The following SLC25A36 variants were observed in gnomAD, a reference collection of about 807,000 sequenced individuals.
SLC25A36 encodes the protein solute carrier family 25 member 36, also known as epididymis secretory sperm binding protein.
A neutral mutation model predicts 35.3 loss-of-function variants in SLC25A36; 24 were observed. The observed-to-expected ratio is 0.68, with a 90% CI of 0.49 to 0.96. SLC25A36 has a LOEUF of 0.96. SLC25A36 is among the 40% of genes least tolerant of loss of function. SLC25A36 has a pLI of 0.00. For missense variants in SLC25A36, 294 were observed against 381.1 expected (o/e 0.77, Z 1.90); for synonymous variants, 141 against 132.2 (o/e 1.07, Z -0.46).
chr3:140,974,073 ATT>A, intron 6 of SLC25A36, 68 bp downstream of exon 6: 3 of 1,107,740 alleles, frequency 2.7e-6, no homozygotes, highest in Non-Finnish European at 2.6e-6. Flanking sequence ...TTATTAAAGC[ATT>A]TATAATTTTA....
At chr3:140,961,087 A>C (rs1326190967) in intron 3 of SLC25A36, among the ~76,000 whole-genome samples, 1 of 152,246 alleles carries the variant, frequency 6.6e-6, no homozygotes, top group Non-Finnish European at 1.5e-5. Context: ...ACCATGTACC[A>C]GATCCATGTC....
intron 1 of SLC25A36, chr3:140,942,380 T>G: frequency 3.3e-6 from 1 of 303,570 alleles, no homozygotes; most frequent in South Asian, 1.0e-4. Context: ...GGGAGTGAGG[T>G]TTTGGGCCCG....
intron 2 of SLC25A36, 23 bp from the exon 3 acceptor site, chr3:140,959,440 A>T: frequency 7.5e-7 from 1 of 1,333,272 alleles, no homozygotes; most frequent in Non-Finnish European, 1.0e-6. Flanking sequence ...TATTTCTGAT[A>T]GAATTTTTTT....
intron 4 of SLC25A36, chr3:140,966,037 A>G (rs1934749401): frequency 6.6e-6 from 1 of 151,968 alleles, no homozygotes; most frequent in Non-Finnish European, 1.5e-5. Flanking sequence ...TTTTAATTGG[A>G]TTATGTATTC....
At chr3:140,955,960 G>T (rs189124245) in intron 1 of SLC25A36, among the ~76,000 whole-genome samples, 233 of 152,272 alleles carry the variant, frequency 1.5e-3, no homozygotes, top group Non-Finnish European at 2.6e-3. Context: ...AAAGCTCTGG[G>T]ATTACATGTG....
intron 5 of SLC25A36, among the ~76,000 whole-genome samples, chr3:140,972,497 T>C (rs1934930393): frequency 6.6e-6 from 1 of 151,254 alleles, no homozygotes; most frequent in African/African-American, 2.4e-5. Context: ...TTAATCTCTA[T>C]AAAAAATGCA....
intron 4 of SLC25A36, chr3:140,966,532 A>G (rs560197189): frequency 1.1e-3 from 190 of 167,730 alleles, no homozygotes; most frequent in African/African-American, 4.3e-3. Flanking sequence ...TTTTTTTTTT[A>G]AGATTTATTA....
Position 140,973,761 on chromosome 3 carries a change from A to C in SLC25A36, c.498A>C (p.Lys166Asn), listed in dbSNP as rs137966131. ...RRMGAFECVRKVYQTDGLKGF... is the reference protein window; with the variant it reads ...RRMGAFECVRNVYQTDGLKGF... ...TGGGTGCTTTTGAATGTGTTCGTAA[A>C]GTGTATCAGACAGATGGACTAAAAG... Residue 166 changes from lysine (K) to asparagine (N), a missense_variant, in exon 6 of 7, where the codon AAA becomes AAC. Coordinates refer to ENST00000324194, the MANE Select transcript of SLC25A36 (RefSeq NM_001104647.3). The C allele has an allele frequency of 4.0e-5, 64 of 1,586,264 alleles. No homozygotes were observed. The highest frequency in any genetic ancestry group is 5.4e-5 in the Non-Finnish European group (63 of 1,163,366).
intron 1 of SLC25A36, among the ~76,000 whole-genome samples, chr3:140,946,620 G>C (rs1404007269): frequency 2.6e-5 from 4 of 152,172 alleles, no homozygotes; most frequent in Non-Finnish European, 4.4e-5. Context: ...AAGATAATAA[G>C]ATTTTTGACA....
chr3:140,957,972 C>T (rs754048694), intron 2 of SLC25A36, among the ~76,000 whole-genome samples: 5 of 152,056 alleles, frequency 3.3e-5, no homozygotes, highest in African/African-American at 7.2e-5. Flanking sequence ...GTTTTTCAGG[C>T]GCTCTTTTAA....
intron 4 of SLC25A36, among the ~76,000 whole-genome samples, chr3:140,969,114 T>C (rs1934837740): frequency 6.6e-6 from 1 of 151,842 alleles, no homozygotes; most frequent in Non-Finnish European, 1.5e-5. Flanking sequence ...AGAATATTGA[T>C]GTCTGATTGC....
chr3:140,942,176 A>AC (rs1934022135), intron 1 of SLC25A36, 81 bp downstream of exon 1: 2 of 57,076 alleles, frequency 3.5e-5, no homozygotes, highest in African/African-American at 7.1e-5. Flanking sequence ...AGGGGGGCCG[A>AC]GGGGGGTGGG....
chr3:140,958,113 A>G (rs1934523122), intron 2 of SLC25A36, among the ~76,000 whole-genome samples: 1 of 152,168 alleles, frequency 6.6e-6, no homozygotes, highest in Admixed American at 6.5e-5. Context: ...TCCATTACCA[A>G]CGTTGGGCTT....
intron 3 of SLC25A36, among the ~76,000 whole-genome samples, chr3:140,962,631 T>C (rs774848101): frequency 6.6e-6 from 1 of 151,376 alleles, no homozygotes; most frequent in Non-Finnish European, 1.5e-5. Context: ...TGCTTCACCC[T>C]CTTCTCCCCA....
At chr3:140,945,824 T>C (rs1008178436) in intron 1 of SLC25A36, among the ~76,000 whole-genome samples, 1 of 151,754 alleles carries the variant, frequency 6.6e-6, no homozygotes, top group Non-Finnish European at 1.5e-5. Flanking sequence ...AACCTTTGAA[T>C]ACCTCTATAT....
intron 1 of SLC25A36, among the ~76,000 whole-genome samples, chr3:140,942,977 T>C (rs1281275070): frequency 1.3e-5 from 2 of 152,176 alleles, no homozygotes; most frequent in African/African-American, 4.8e-5. Context: ...TTTTTGAAGA[T>C]AGTGTTAATA....
intron 4 of SLC25A36, 176 bp from the exon 5 acceptor site, chr3:140,970,751 A>G (rs1934879087): frequency 4.6e-6 from 2 of 431,672 alleles, no homozygotes; most frequent in Admixed American, 7.7e-5. Flanking sequence ...GAGAATTCAT[A>G]TAGATTGGAA....
intron 1 of SLC25A36, among the ~76,000 whole-genome samples, chr3:140,948,023 G>A (rs907081943): frequency 2.0e-5 from 3 of 151,902 alleles, no homozygotes; most frequent in African/African-American, 2.4e-5. Context: ...GCACGATCTC[G>A]GCTCACTGCA....
intron 1 of SLC25A36, among the ~76,000 whole-genome samples, chr3:140,944,574 G>T (rs1934112714): frequency 6.6e-6 from 1 of 152,152 alleles, no homozygotes; most frequent in African/African-American, 2.4e-5. Flanking sequence ...TGATAGAATT[G>T]TACATTGTCT....
Sources: allele counts gnomAD v4.1 joint callset (sites outside exome capture counted in the v4.1 genomes callset), GRCh38; gene constraint gnomAD v4.1.1; transcripts MANE v1.5; gene names NCBI Gene and HGNC (gene_info 2026-07-23, HGNC 2026-07-21).